OSBPL10: variants seen among roughly 807,000 people sequenced by gnomAD.
OSBPL10 encodes the protein oxysterol-binding protein-related protein 10.
OSBPL10 carries 49 observed loss-of-function variants against 81.7 expected under a neutral mutation model. That is an observed-to-expected ratio of 0.60 (90% confidence interval 0.48 to 0.76). OSBPL10 has a LOEUF of 0.76. OSBPL10 is among the 30% of genes least tolerant of loss of function. The pLI is 0.00. For synonymous variants in OSBPL10, 419 were observed against 383.6 expected (o/e 1.09, Z -1.08); for missense variants, 923 against 987.8 (o/e 0.93, Z 0.88).
chr3:31,780,136 CA>C (rs1383389748), intron 4 of OSBPL10, among the ~76,000 whole-genome samples: 2 of 151,972 alleles, frequency 1.3e-5, no homozygotes. Context: ...ACTAAAAATA[CA>C]AAAAGATTAG....
intron 1 of OSBPL10, among the ~76,000 whole-genome samples, chr3:32,050,012 A>C (rs1699657436): frequency 6.6e-6 from 1 of 152,190 alleles, no homozygotes; most frequent in Non-Finnish European, 1.5e-5. Flanking sequence ...GATTAATGGG[A>C]AAAAGGATTT....
chr3:32,006,644 AC>A (rs1380434904), intron 2 of OSBPL10, among the ~76,000 whole-genome samples: 1 of 152,140 alleles, frequency 6.6e-6, no homozygotes, highest in Non-Finnish European at 1.5e-5. Flanking sequence ...TGAAGTAAGG[AC>A]CTAATTTTAC....
At chr3:32,049,390 G>T (rs913830408) in intron 1 of OSBPL10, among the ~76,000 whole-genome samples, 1 of 152,100 alleles carries the variant, frequency 6.6e-6, no homozygotes. Context: ...GCACCAATTG[G>T]CCAACTTTGG....
intron 1 of OSBPL10, among the ~76,000 whole-genome samples, chr3:32,076,747 G>A (rs1355001826): frequency 6.6e-6 from 1 of 152,108 alleles, no homozygotes. Flanking sequence ...AATTTGGTAG[G>A]TGGGGGGCCA....
rs368100347 is a variant in OSBPL10 at position 31,882,869 on chromosome 3, A to G, written c.282-3039T>C. On this transcript the variant is annotated intron_variant, in intron 1 of 11. Transcript: ENST00000396556. ...AGCAGCTGCTAGCCTTACATTAACA[A>G]AGACATAAAAAACCCTTTTTATTTG... Among the ~76,000 whole-genome samples the G allele has an allele frequency of 1.2e-4, 18 of 152,316 alleles. No homozygotes were observed. In the East Asian group the frequency reaches 3.5e-3, roughly 29 times the overall value.
At chr3:31,700,039 A>G (rs1218687939) in intron 7 of OSBPL10, among the ~76,000 whole-genome samples, 1 of 152,164 alleles carries the variant, frequency 6.6e-6, no homozygotes, top group Non-Finnish European at 1.5e-5. Flanking sequence ...GGGCAACAGA[A>G]GCCAAGAAAT....
intron 6 of OSBPL10, among the ~76,000 whole-genome samples, chr3:31,715,781 T>G (rs1296243558): frequency 6.6e-6 from 1 of 152,230 alleles, no homozygotes; most frequent in Non-Finnish European, 1.5e-5. Flanking sequence ...ATATCCACAG[T>G]TGAAATCATT....
chr3:31,687,038 T>C (rs893642585), intron 7 of OSBPL10, among the ~76,000 whole-genome samples: 7 of 152,264 alleles, frequency 4.6e-5, no homozygotes, highest in African/African-American at 1.4e-4. Flanking sequence ...TGGAAATCCC[T>C]TAATGAAGCC....
intron 2 of OSBPL10, among the ~76,000 whole-genome samples, chr3:32,015,609 T>C (rs1389842636): frequency 6.6e-6 from 1 of 152,240 alleles, no homozygotes; most frequent in East Asian, 1.9e-4. Context: ...TGGAATCTAA[T>C]TAAACTAAAG....
intron 1 of OSBPL10, among the ~76,000 whole-genome samples, chr3:31,940,310 A>G (rs1697498725): frequency 6.6e-6 from 1 of 152,228 alleles, no homozygotes; most frequent in Admixed American, 6.5e-5. Flanking sequence ...GACTTAAGAG[A>G]GCCAGACATG....
At chr3:32,012,280 C>T (rs1477466237) in intron 2 of OSBPL10, among the ~76,000 whole-genome samples, 1 of 152,080 alleles carries the variant, frequency 6.6e-6, no homozygotes, top group Non-Finnish European at 1.5e-5. Context: ...AGAGTGGGGG[C>T]CAATATTCAA....
At chr3:31,990,257 G>A (rs1699007414) in intron 2 of OSBPL10, 2 of 1,613,752 alleles carry the variant, frequency 1.2e-6, no homozygotes, top group African/African-American at 1.3e-5. Flanking sequence ...GCAATCCATG[G>A]TATAGGGAAA....
chr3:31,899,879 A>G (rs1481847643), intron 1 of OSBPL10, among the ~76,000 whole-genome samples: 1 of 152,158 alleles, frequency 6.6e-6, no homozygotes, highest in Non-Finnish European at 1.5e-5. Context: ...AGCATAGAAA[A>G]TATTCTACAG....
intron 4 of OSBPL10, among the ~76,000 whole-genome samples, chr3:31,772,612 T>G: frequency 6.6e-6 from 1 of 152,206 alleles, no homozygotes; most frequent in East Asian, 1.9e-4. Flanking sequence ...TCCACTGCAC[T>G]GCACTGCCCC....
At chr3:31,949,451 G>A (rs1249022453) in intron 1 of OSBPL10, among the ~76,000 whole-genome samples, 7 of 151,774 alleles carry the variant, frequency 4.6e-5, no homozygotes, top group African/African-American at 9.7e-5. Flanking sequence ...GGCAGATCAC[G>A]AGGTCAGGAG....
At chr3:31,808,556 C>T (rs1443904552) in intron 4 of OSBPL10, among the ~76,000 whole-genome samples, 1 of 152,156 alleles carries the variant, frequency 6.6e-6, no homozygotes, top group Admixed American at 6.5e-5. Flanking sequence ...GCTCTGAAGT[C>T]CCCAGGCTGG....
chr3:32,076,550 C>A (rs990375155), intron 1 of OSBPL10, among the ~76,000 whole-genome samples: 4 of 152,036 alleles, frequency 2.6e-5, no homozygotes, highest in Non-Finnish European at 5.9e-5. Flanking sequence ...TTTCCCTGTT[C>A]GCCTGACAAA....
intron 7 of OSBPL10, among the ~76,000 whole-genome samples, chr3:31,696,784 A>T (rs2125580453): frequency 6.6e-6 from 1 of 152,280 alleles, no homozygotes; most frequent in East Asian, 1.9e-4. Flanking sequence ...GGCTTTGACC[A>T]CCATCTATAC....
chr3:31,796,801 G>A (rs886957891), intron 4 of OSBPL10, among the ~76,000 whole-genome samples: 3 of 151,916 alleles, frequency 2.0e-5, no homozygotes, highest in African/African-American at 4.8e-5. Flanking sequence ...CACCCAATGA[G>A]GGCTTTTACC....
Sources: allele counts gnomAD v4.1 joint callset (sites outside exome capture counted in the v4.1 genomes callset), GRCh38; gene constraint gnomAD v4.1.1; transcripts MANE v1.5; gene names NCBI Gene and HGNC (gene_info 2026-07-23, HGNC 2026-07-21).